NCS1: variants seen among roughly 807,000 people sequenced by gnomAD.
NCS1 encodes neuronal calcium sensor 1.
Under a neutral mutation model 28.4 loss-of-function variants are expected in NCS1, and 6 were observed. That is an observed-to-expected ratio of 0.21 (90% confidence interval 0.12 to 0.42). The LOEUF is 0.42. Ranked by LOEUF, NCS1 falls within the 10% of genes least tolerant of loss-of-function variation. NCS1 has a pLI of 1.00. For synonymous variants in NCS1, 86 were observed against 99.3 expected (o/e 0.87, Z 0.79); for missense variants, 131 against 241.4 (o/e 0.54, Z 3.03).
In NCS1 at chr9:130,209,305, G is replaced by T. The variant is rs1177757382; in HGVS notation, c.89+8323G>T. On this transcript the variant is annotated intron_variant, in intron 2 of 7. Coordinates refer to ENST00000372398, the MANE Select transcript of NCS1 (RefSeq NM_014286.4). The surrounding 1 kb of genome is among the most constrained non-coding windows in gnomAD (Gnocchi z 4.4). ...GGGCTGGCCTCCCAGCAGGATCCCAGAGGACATGAGTCTGCAGGAACTGAG... is the reference window on the plus strand; with the variant it reads ...GGGCTGGCCTCCCAGCAGGATCCCATAGGACATGAGTCTGCAGGAACTGAG... Among the ~76,000 whole-genome samples the T allele has an allele frequency of 6.6e-6, 1 of 152,214 alleles. No homozygotes were observed. The highest frequency in any genetic ancestry group is 2.4e-5 in the African/African-American group (1 of 41,458).
intron 1 of NCS1, among the ~76,000 whole-genome samples, chr9:130,200,178 G>A (rs1423458243): frequency 6.6e-6 from 1 of 152,192 alleles, no homozygotes; most frequent in African/African-American, 2.4e-5. Flanking sequence ...GCCGTCCCGC[G>A]CTCACACAGG....
At chr9:130,183,313 G>A (rs887533) in intron 1 of NCS1, among the ~76,000 whole-genome samples, 24,513 of 152,046 alleles carry the variant, frequency 0.16, 2,804 homozygotes, top group East Asian at 0.57. Context: ...GGCTGGGGGG[G>A]GGAGCTCCTT....
rs868947080 is a variant in NCS1 at position 130,223,111 on chromosome 9, G to A, written c.426G>A (p.Glu142=). ...VGNTVELPEE[E]NTPEKRVDRI... Reference sequence around the variant, plus strand: ...ATACCGTGGAGCTCCCAGAGGAGGAGAACACTCCTGAGAAGAGGGTGGACC... The same window carrying A: ...ATACCGTGGAGCTCCCAGAGGAGGAAAACACTCCTGAGAAGAGGGTGGACC... The change falls in exon 6 of 8, where the codon GAG becomes GAA. Residue 142 remains glutamate, a synonymous_variant. Transcript: ENST00000372398. 3.9e-6 allele frequency: 6 copies of A among 1,554,688 alleles called. No homozygotes were observed. The Middle Eastern group carries it at 1.0e-3, about 269-fold the overall frequency.
chr9:130,182,056 T>TG (rs1198208754), intron 1 of NCS1, among the ~76,000 whole-genome samples: 1 of 151,754 alleles, frequency 6.6e-6, no homozygotes, highest in East Asian at 1.9e-4. Context: ...GTATTGTGGT[T>TG]GGGGGGAGAT....
Position 130,209,622 on chromosome 9 carries a change from G to A in NCS1, c.90-8210G>A, listed in dbSNP as rs1388168804. On this transcript the variant is annotated intron_variant, in intron 2 of 7. Coordinates refer to ENST00000372398, the MANE Select transcript of NCS1 (RefSeq NM_014286.4). This position sits in a 1 kb window ranked among gnomAD's most constrained non-coding sequence, Gnocchi z 4.4. ...GACGAGGGCATTCACCCAGCCTGGC[G>A]CCGTGTTGGGGAAGAGAAGGTGGGA... 6.6e-6 allele frequency among the ~76,000 whole-genome samples: 1 copy of A among 152,160 alleles called. No individual in the cohort carries two copies. The highest frequency in any genetic ancestry group is 1.5e-5 in the Non-Finnish European group (1 of 68,024).
intron 2 of NCS1, among the ~76,000 whole-genome samples, chr9:130,204,145 A>G (rs1554907799): frequency 6.6e-6 from 1 of 151,974 alleles, no homozygotes; most frequent in African/African-American, 2.4e-5. Flanking sequence ...GGTGCACACC[A>G]CCATGCCTGG....
chr9:130,223,090 C>T lies in NCS1; in HGVS notation c.405C>T (p.Thr135=), dbSNP rs782533812. The stretch of plus-strand genomic sequence containing the variant: ...CTTGTCCGTCCCTGCAGGGGAATAC[C>T]GTGGAGCTCCCAGAGGAGGAGAACA... ...VDAIYQMVGN[T]VELPEEENTP... Residue 135 remains threonine, a synonymous_variant, in exon 6 of 8, where the codon ACC becomes ACT. Transcript: ENST00000372398. 15 of 1,604,474 alleles carry T rather than the reference C, an allele frequency of 9.3e-6. No individual in the cohort carries two copies. Among genetic ancestry groups the T allele is most frequent in the South Asian group, 8.8e-5 (8 of 90,926 alleles).
intron 1 of NCS1, among the ~76,000 whole-genome samples, chr9:130,198,683 C>T (rs1554907112): frequency 6.6e-6 from 1 of 152,180 alleles, no homozygotes; most frequent in East Asian, 1.9e-4. Context: ...TTCAGTTTTC[C>T]CAACAATCCC....
rs1554906259 is a variant in NCS1 at position 130,191,647 on chromosome 9, T to C, written c.65-9311T>C. Among the ~76,000 whole-genome samples the C allele has an allele frequency of 6.6e-6, 1 of 152,178 alleles. No individual in the cohort carries two copies. Among genetic ancestry groups the C allele is most frequent in the Non-Finnish European group, 1.5e-5 (1 of 68,032 alleles). ...AGCAACAGCCCATGGCCCCCTGGGC[T>C]GTGTGAGACGCTAATGAAATGAGGG... On this transcript the variant is annotated intron_variant, in intron 1 of 7. Coordinates refer to ENST00000372398, the MANE Select transcript of NCS1 (RefSeq NM_014286.4). This position sits in a 1 kb window ranked among gnomAD's most constrained non-coding sequence, Gnocchi z 6.4.
intron 2 of NCS1, among the ~76,000 whole-genome samples, chr9:130,207,453 C>A (rs564527453): frequency 1.4e-4 from 21 of 152,330 alleles, no homozygotes; most frequent in African/African-American, 5.1e-4. Flanking sequence ...GAGACTGTGG[C>A]CTCCAGTCTC....
intron 1 of NCS1, among the ~76,000 whole-genome samples, chr9:130,174,077 A>G (rs1303307279): frequency 2.0e-5 from 3 of 152,202 alleles, no homozygotes; most frequent in Admixed American, 6.5e-5. Flanking sequence ...CCTCTCTCCA[A>G]GGTGGGCAGG....
Position 130,210,128 on chromosome 9 carries a change from C to T in NCS1, c.90-7704C>T, listed in dbSNP as rs181289389. Among the ~76,000 whole-genome samples the T allele has an allele frequency of 2.6e-3, 397 of 152,118 alleles. 2 individuals carry two copies. The highest frequency in any genetic ancestry group is 4.3e-3 in the Non-Finnish European group (289 of 67,990). On this transcript the variant is annotated intron_variant, in intron 2 of 7. Coordinates refer to ENST00000372398, the MANE Select transcript of NCS1 (RefSeq NM_014286.4). Reference sequence around the variant, plus strand: ...TTAGGAAGGACTTCCCGGCCAGGCGCGATGGCTCACACCTGTAATCCCAGC... The same window carrying T: ...TTAGGAAGGACTTCCCGGCCAGGCGTGATGGCTCACACCTGTAATCCCAGC...
chr9:130,210,550 T>C (rs947514), intron 2 of NCS1, among the ~76,000 whole-genome samples: 141,249 of 152,096 alleles, frequency 0.93, 65,654 homozygotes, highest in East Asian at 1. Flanking sequence ...CTGGTGTTTG[T>C]GGAGGTCGTA....
At chr9:130,230,131 A>T (rs1205484145) in intron 7 of NCS1, among the ~76,000 whole-genome samples, 1 of 152,180 alleles carries the variant, frequency 6.6e-6, no homozygotes, top group Non-Finnish European at 1.5e-5. Flanking sequence ...CAAGTGGATC[A>T]CTTGAGGTTA....
At position 130,234,496 on chromosome 9, in the gene NCS1, G is replaced by T. The variant is rs1180506468; in HGVS notation, c.*1524G>T. On this transcript the variant is annotated 3_prime_UTR_variant, in exon 8 of 8. Coordinates refer to ENST00000372398, the MANE Select transcript of NCS1 (RefSeq NM_014286.4). This position sits in a 1 kb window ranked among gnomAD's most constrained non-coding sequence, Gnocchi z 6.1. The stretch of plus-strand genomic sequence containing the variant: ...TTGTGGGCAGCCTCCTGCCCTCTCT[G>T]GGTCTCAGTTGCCCCATCTGCAGAG... 2 of 152,310 alleles carry T rather than the reference G, an allele frequency of 1.3e-5. No individual in the cohort carries two copies. The highest frequency in any genetic ancestry group is 2.9e-5 in the Non-Finnish European group (2 of 68,102). 9.4% of individuals were successfully genotyped at this position (152,310 alleles called of 1,614,324 possible).
intron 2 of NCS1, among the ~76,000 whole-genome samples, chr9:130,214,909 C>G (rs376513359): frequency 1.5e-4 from 23 of 152,322 alleles, no homozygotes; most frequent in African/African-American, 5.1e-4. Flanking sequence ...GCCAGTTTCC[C>G]TCTGCAAAGA....
intron 1 of NCS1, 108 bp downstream of exon 1, chr9:130,172,835 G>C: frequency 2.5e-6 from 1 of 399,856 alleles, no homozygotes; most frequent in Non-Finnish European, 3.6e-6. Context: ...TGCCGCCTCC[G>C]CTCCGTCCTC....
intron 7 of NCS1, among the ~76,000 whole-genome samples, chr9:130,229,780 C>T (rs782071280): frequency 2.1e-4 from 32 of 152,244 alleles, no homozygotes; most frequent in East Asian, 3.9e-4. Flanking sequence ...CTTGTGCCTA[C>T]GCGGTAGTGA....
At chr9:130,194,464 C>T (rs1832854139) in intron 1 of NCS1, among the ~76,000 whole-genome samples, 1 of 150,424 alleles carries the variant, frequency 6.6e-6, no homozygotes, top group Admixed American at 6.6e-5. Flanking sequence ...CCCTCCCCTT[C>T]TGCAGCTCTG....
Sources: gnomAD v4.1 joint callset for allele counts (sites outside exome capture counted in the v4.1 genomes callset) on GRCh38, gnomAD v4.1.1 for gene constraint, Gnocchi (gnomAD v3.1) non-coding constraint, MANE v1.5 for transcripts, NCBI Gene and HGNC (gene_info 2026-07-23, HGNC 2026-07-21) for gene names.